TRHDE: variants seen among roughly 807,000 people sequenced by gnomAD.
TRHDE encodes the protein thyrotropin-releasing hormone-degrading ectoenzyme.
In TRHDE, 72 loss-of-function variants were observed where a neutral mutation model predicts 125.7. The ratio of observed to expected loss-of-function variants is 0.57; its 90% CI spans 0.47 to 0.70. TRHDE has a LOEUF of 0.70. Ranked by LOEUF, TRHDE falls within the 30% of genes least tolerant of loss-of-function variation. TRHDE has a pLI of 0.00. For missense variants in TRHDE, 1,110 were observed against 1,327.1 expected (o/e 0.84, Z 2.54); for synonymous variants, 509 against 509.1 (o/e 1.00, Z 0.00).
intron 10 of TRHDE, among the ~76,000 whole-genome samples, chr12:72,572,405 A>T (rs1870788880): frequency 6.6e-6 from 1 of 152,122 alleles, no homozygotes; most frequent in Non-Finnish European, 1.5e-5. Flanking sequence ...TATTGCCAGC[A>T]TCAAGATATA....
chr12:72,238,383 T>TA (rs1565670100), intron 2 of TRHDE, among the ~76,000 whole-genome samples: 3 of 52,488 alleles, frequency 5.7e-5, no homozygotes, highest in African/African-American at 2.0e-4. Flanking sequence ...ATATATATAT[T>TA]TTTTTTTAAC....
chr12:72,648,033 A>G (rs1874354237), intron 15 of TRHDE, among the ~76,000 whole-genome samples: 1 of 152,106 alleles, frequency 6.6e-6, no homozygotes, highest in African/African-American at 2.4e-5. Flanking sequence ...CCAATATTAC[A>G]TTAAGGGATA....
At chr12:72,150,813 G>T (rs1433401078) in intron 2 of TRHDE, among the ~76,000 whole-genome samples, 1 of 151,910 alleles carries the variant, frequency 6.6e-6, no homozygotes, top group African/African-American at 2.4e-5. Context: ...GGACATTTGG[G>T]TTGTTTCCAA....
chr12:72,277,868 G>A (rs1424863742), intron 1 of TRHDE, among the ~76,000 whole-genome samples: 1 of 152,050 alleles, frequency 6.6e-6, no homozygotes, highest in African/African-American at 2.4e-5. Context: ...ATAATCTAAT[G>A]TTTTGAAGTA....
At chr12:72,470,221 T>C (rs1313999054) in intron 4 of TRHDE, among the ~76,000 whole-genome samples, 2 of 152,196 alleles carry the variant, frequency 1.3e-5, no homozygotes, top group Non-Finnish European at 2.9e-5. Flanking sequence ...TTTCTTGTGA[T>C]TATTAGTGTG....
intron 2 of TRHDE, among the ~76,000 whole-genome samples, chr12:72,334,543 G>T (rs1227797301): frequency 6.6e-6 from 1 of 152,194 alleles, no homozygotes. Context: ...CCTGGCAGAC[G>T]GCCTGATGCC....
intron 18 of TRHDE, 138 bp downstream of exon 18, chr12:72,657,146 G>A (rs971170888): frequency 9.1e-5 from 51 of 559,908 alleles, no homozygotes; most frequent in Non-Finnish European, 7.0e-5. Context: ...ACACACACAC[G>A]TTAAAGACTA....
chr12:72,089,153 C>T (rs1016516951), intron 1 of TRHDE, among the ~76,000 whole-genome samples: 3 of 152,124 alleles, frequency 2.0e-5, no homozygotes, highest in Middle Eastern at 3.2e-3. Context: ...ACTACATCCA[C>T]GTGGCTCTAG....
intron 3 of TRHDE, among the ~76,000 whole-genome samples, chr12:72,389,506 G>A (rs1374070670): frequency 6.6e-6 from 1 of 152,172 alleles, no homozygotes; most frequent in Non-Finnish European, 1.5e-5. Context: ...ATTTTCTCAT[G>A]GTTCTGGAGG....
rs73316851 is a variant in TRHDE, at chr12:72,657,439, G to A, written c.3066+431G>A. On this transcript the variant is annotated intron_variant, in intron 18 of 18. Transcript: ENST00000261180. The stretch of plus-strand genomic sequence containing the variant: ...TTGTGGTCAGCCTTAAACAGACAAC[G>A]GACATACTGTACATAATAATATTGC... Among the ~76,000 whole-genome samples the A allele has an allele frequency of 2.4e-3, 371 of 152,160 alleles. 3 individuals carry two copies. The highest frequency in any genetic ancestry group is 8.2e-3 in the African/African-American group (340 of 41,520).
At chr12:72,361,763 C>T (rs1320046091) in intron 2 of TRHDE, among the ~76,000 whole-genome samples, 1 of 138,484 alleles carries the variant, frequency 7.2e-6, no homozygotes, top group Non-Finnish European at 1.5e-5. Context: ...CTTCCTGTGT[C>T]CATGTGATCT....
chr12:72,110,052 C>T (rs1035261944), intron 2 of TRHDE, among the ~76,000 whole-genome samples: 3 of 152,056 alleles, frequency 2.0e-5, no homozygotes, highest in African/African-American at 7.2e-5. Flanking sequence ...CATCACATCA[C>T]GTTCCTAATG....
intron 5 of TRHDE, among the ~76,000 whole-genome samples, chr12:72,478,560 C>T (rs141765861): frequency 3.9e-4 from 59 of 152,206 alleles, no homozygotes; most frequent in Non-Finnish European, 6.5e-4. Flanking sequence ...GAACTGGGGA[C>T]CTGCAGCTCC....
chr12:72,303,948 C>T (rs1032383496), intron 2 of TRHDE, among the ~76,000 whole-genome samples: 7 of 152,162 alleles, frequency 4.6e-5, no homozygotes, highest in East Asian at 3.9e-4. Flanking sequence ...TTGTTGAACA[C>T]GGAATGTGTT....
intron 2 of TRHDE, among the ~76,000 whole-genome samples, chr12:72,341,814 G>A (rs577530618): frequency 1.2e-4 from 18 of 152,216 alleles, no homozygotes; most frequent in Middle Eastern, 3.4e-3. Context: ...TGTATTTGTC[G>A]AAGATGAATC....
rs74105910 is a variant in TRHDE at position 72,575,749 on chromosome 12, G to A, written c.2321+207G>A. On this transcript the variant is annotated intron_variant, in intron 12 of 18. Transcript: ENST00000261180. ...ATAGGGTATTTCTAAGTCAGGATAA[G>A]CTTGATGAATTTCACCACAAGGTCG... Among the ~76,000 whole-genome samples, 1,272 of 152,136 alleles carry A rather than the reference G, an allele frequency of 8.4e-3. 22 individuals carry two copies. The highest frequency in any genetic ancestry group is 0.029 in the African/African-American group (1,210 of 41,520).
chr12:72,204,834 A>G (rs895255319), intron 2 of TRHDE, among the ~76,000 whole-genome samples: 2 of 152,068 alleles, frequency 1.3e-5, no homozygotes, highest in African/African-American at 2.4e-5. Context: ...GTTTATGTTT[A>G]TTGGGTTGAG....
chr12:72,146,039 C>T (rs868356806), intron 2 of TRHDE, among the ~76,000 whole-genome samples: 1 of 152,060 alleles, frequency 6.6e-6, no homozygotes, highest in Non-Finnish European at 1.5e-5. Context: ...GCATTTCTCA[C>T]TACTAGAAAT....
At chr12:72,133,063 T>G (rs148416336) in intron 2 of TRHDE, among the ~76,000 whole-genome samples, 45 of 152,274 alleles carry the variant, frequency 3.0e-4, no homozygotes, top group African/African-American at 1.0e-3. Context: ...GGTGCCATGA[T>G]GAAGAATATG....
Sources: allele counts gnomAD v4.1 joint callset (sites outside exome capture counted in the v4.1 genomes callset), GRCh38; gene constraint gnomAD v4.1.1; transcripts MANE v1.5; gene names NCBI Gene and HGNC (gene_info 2026-07-23, HGNC 2026-07-21).